The following PATJ variants were observed in gnomAD, a reference collection of about 807,000 sequenced individuals.
PATJ encodes the protein PATJ crumbs cell polarity complex component.
A neutral mutation model predicts 224.9 loss-of-function variants in PATJ; 190 were observed. The ratio of observed to expected loss-of-function variants is 0.84; its 90% CI spans 0.75 to 0.95. The LOEUF is 0.95. Ranked by LOEUF, PATJ falls within the 40% of genes least tolerant of loss-of-function variation. The probability of loss-of-function intolerance (pLI) is 0.00; values close to 1 mark genes in which losing one functional copy is unlikely to be tolerated. For synonymous variants in PATJ, 769 were observed against 820.3 expected, an observed-to-expected ratio of 0.94 and a Z score of 1.07; for missense variants, 2,121 against 2,270.3, an observed-to-expected ratio of 0.93 and a Z score of 1.34.
At chr1:61,795,731 AT>A (rs1650950391) in intron 10 of PATJ, among the ~76,000 whole-genome samples, 173 bp downstream of exon 10, 3 of 152,108 alleles carry the variant, frequency 2.0e-5, no homozygotes, top group African/African-American at 7.2e-5. Context: ...CCTACATTAA[AT>A]TTTTTTTCAC....
At chr1:61,845,368 T>G (rs1661765246) in intron 17 of PATJ, among the ~76,000 whole-genome samples, 1 of 152,186 alleles carries the variant, frequency 6.6e-6, no homozygotes, top group Admixed American at 6.5e-5. Flanking sequence ...ATACTAATTC[T>G]TCATAATTAT....
At chr1:61,957,718 C>A (rs1015676486) in intron 27 of PATJ, among the ~76,000 whole-genome samples, 5 of 152,066 alleles carry the variant, frequency 3.3e-5, no homozygotes, top group African/African-American at 1.2e-4. Context: ...TACAAAAAAC[C>A]AGAGTTGAAT....
At chr1:61,886,033 G>T (rs970516168) in intron 22 of PATJ, among the ~76,000 whole-genome samples, 2 of 152,008 alleles carry the variant, frequency 1.3e-5, no homozygotes, top group East Asian at 3.9e-4. Flanking sequence ...GTTGTGGGGT[G>T]GGGGGATGGG....
chr1:61,914,698 T>G (rs973080258), intron 26 of PATJ, 34 bp downstream of exon 26: 6 of 1,361,330 alleles, frequency 4.4e-6, no homozygotes, highest in Non-Finnish European at 6.2e-6. Flanking sequence ...TAAAAAATGT[T>G]TTTGTTTTGT....
chr1:61,965,118 T>A (rs568046447), intron 27 of PATJ, among the ~76,000 whole-genome samples: 49 of 41,740 alleles, frequency 1.2e-3, no homozygotes, highest in African/African-American at 3.8e-3. Flanking sequence ...GGAGACTCTG[T>A]CTCAAAAAAA....
intron 12 of PATJ, 81 bp downstream of exon 12, chr1:61,801,850 G>A: frequency 9.7e-7 from 1 of 1,028,262 alleles, no homozygotes; most frequent in Non-Finnish European, 1.3e-6. Context: ...AATATAGTAT[G>A]AGAAATCTTA....
At chr1:61,990,629 A>G (rs1295883904) in intron 28 of PATJ, among the ~76,000 whole-genome samples, 2 of 152,232 alleles carry the variant, frequency 1.3e-5, no homozygotes, top group African/African-American at 4.8e-5. Context: ...TGTTTTTAAT[A>G]TCAATTTTTA....
intron 33 of PATJ, among the ~76,000 whole-genome samples, chr1:62,092,754 A>T (rs559769759): frequency 2.6e-5 from 4 of 151,296 alleles, no homozygotes; most frequent in East Asian, 2.0e-4. Context: ...TTATTTTTTT[A>T]TTTTTTGAGC....
At chr1:62,054,164 G>A (rs12097259) in intron 31 of PATJ, among the ~76,000 whole-genome samples, 34,722 of 151,452 alleles carry the variant, frequency 0.23, 5,212 homozygotes, top group African/African-American at 0.43. Flanking sequence ...GACCAGCCTA[G>A]GCAACATTGT....
chr1:61,762,921 T>C lies in PATJ; in HGVS notation c.22+7T>C. The C allele has an allele frequency of 6.5e-7, 1 of 1,540,170 alleles. No homozygotes were observed. ...CCTGAAAATCCTGCTACAGGTATACTGGATATATTGTTCTATAATTAAATT... is the reference window on the plus strand; with the variant it reads ...CCTGAAAATCCTGCTACAGGTATACCGGATATATTGTTCTATAATTAAATT... On this transcript the variant is annotated splice_region_variant and intron_variant, in intron 2 of 43. Transcript: ENST00000642238.
intron 42 of PATJ, among the ~76,000 whole-genome samples, chr1:62,152,655 GA>G (rs111475924): frequency 1.5e-3 from 215 of 145,660 alleles, no homozygotes; most frequent in African/African-American, 4.8e-3. Flanking sequence ...TGTCTCAAAA[GA>G]AAAAAAAAAG....
At chr1:62,131,397 A>C (rs1666248694) in intron 41 of PATJ, among the ~76,000 whole-genome samples, 1 of 152,174 alleles carries the variant, frequency 6.6e-6, no homozygotes, top group Non-Finnish European at 1.5e-5. Context: ...TGACCAGAAA[A>C]AAGTCTCTCT....
intron 1 of PATJ, among the ~76,000 whole-genome samples, chr1:61,746,218 G>C (rs776604687): frequency 1.3e-5 from 2 of 152,154 alleles, no homozygotes; most frequent in East Asian, 3.8e-4. Context: ...CCAGGATTAC[G>C]GATGTGAGCC....
intron 22 of PATJ, among the ~76,000 whole-genome samples, chr1:61,893,747 A>G (rs1355198267): frequency 6.6e-6 from 1 of 151,894 alleles, no homozygotes; most frequent in Admixed American, 6.6e-5. Flanking sequence ...CCTGGGTAAC[A>G]GAGTGGAACT....
chr1:61,923,854 G>A (rs902780328), intron 26 of PATJ, among the ~76,000 whole-genome samples: 4 of 150,862 alleles, frequency 2.7e-5, no homozygotes, highest in Non-Finnish European at 4.4e-5. Flanking sequence ...CCCAGGAGGC[G>A]GAGGTTGTAG....
intron 23 of PATJ, among the ~76,000 whole-genome samples, 199 bp downstream of exon 23, chr1:61,899,853 A>G (rs940054012): frequency 1.3e-5 from 2 of 152,236 alleles, no homozygotes; most frequent in Non-Finnish European, 2.9e-5. Context: ...AACTAATATT[A>G]GGAACATCTT....
chr1:61,904,579 C>T (rs903034267), intron 24 of PATJ, among the ~76,000 whole-genome samples: 1 of 152,222 alleles, frequency 6.6e-6, no homozygotes, highest in East Asian at 1.9e-4. Context: ...TTGCATTACC[C>T]TTCTGTATTA....
chr1:62,153,380 A>G lies in PATJ; in HGVS notation c.5401A>G (p.Thr1801Ala), dbSNP rs1309837367. The G allele has an allele frequency of 6.5e-6, 8 of 1,231,624 alleles. No individual in the cohort carries two copies. Among genetic ancestry groups the G allele is most frequent in the Non-Finnish European group, 8.1e-6 (8 of 987,504 alleles). The allele number at this position is 1,231,624 out of a possible 1,614,324, so 76.3% of individuals were successfully genotyped here. A position where few individuals can be genotyped will look rare whatever the true frequency, so the allele number is the denominator to read the frequency against. Reference protein sequence around the residue: ...DTETPPPKIITLEKGSEGLGF... With the variant: ...DTETPPPKIIALEKGSEGLGF... The stretch of plus-strand genomic sequence containing the variant: ...CAGAACACCTCCACCTAAGATTATT[A>G]CTTTGGAGAAAGGCTCTGAAGGCTT... The change falls in exon 43 of 44, where the codon ACT (threonine) becomes GCT (alanine). Residue 1801 changes from threonine to alanine, a missense_variant. Physicochemically the swap from Thr to Ala is moderately conservative, Grantham distance 58. Coordinates refer to ENST00000642238, the MANE Select transcript of PATJ (RefSeq NM_001350145.3).
intron 33 of PATJ, among the ~76,000 whole-genome samples, chr1:62,096,006 G>A (rs1007431533): frequency 3.3e-5 from 5 of 152,200 alleles, no homozygotes; most frequent in East Asian, 1.9e-4. Flanking sequence ...GCACATCCTC[G>A]TCTTCTTGTA....
Sources: gnomAD v4.1 joint callset for allele counts (sites outside exome capture counted in the v4.1 genomes callset) on GRCh38, gnomAD v4.1.1 for gene constraint, MANE v1.5 for transcripts, NCBI Gene and HGNC (gene_info 2026-07-23, HGNC 2026-07-21) for gene names.